Variants in PCDHGA3 observed in about 807,000 individuals in gnomAD.
PCDHGA3 encodes protocadherin gamma subfamily A, 3, also known as protocadherin gamma-A3.
A neutral mutation model predicts 58.5 loss-of-function variants in PCDHGA3; 40 were observed. The ratio of observed to expected loss-of-function variants is 0.68; its 90% CI spans 0.53 to 0.89. PCDHGA3 has a LOEUF of 0.89. PCDHGA3 is among the 40% of genes least tolerant of loss of function. The pLI, the probability that PCDHGA3 is intolerant of heterozygous loss-of-function variation, is 0.00. For synonymous variants in PCDHGA3, 530 were observed against 525.7 expected, an observed-to-expected ratio of 1.01 and a Z score of -0.11; for missense variants, 1,223 against 1,195.9, an observed-to-expected ratio of 1.02 and a Z score of -0.33.
intron 1 of PCDHGA3, chr5:141,389,722 G>T (rs141134077): frequency 1.9e-6 from 3 of 1,612,560 alleles, no homozygotes; most frequent in Non-Finnish European, 1.7e-6. Context: ...AGCGAGCCCG[G>T]GCTCTTCAGC....
In PCDHGA3 at chr5:141,404,612, G is replaced by A. The variant is rs774633321; in HGVS notation, c.2424+58155G>A. 2 of 1,614,110 alleles carry A rather than the reference G, an allele frequency of 1.2e-6. No homozygotes were observed. The highest frequency in any genetic ancestry group is 3.3e-5 in the Admixed American group (2 of 60,022). ...TGTGTCATTGAGACTGTTTGTTTTG[G>A]ACCAGAATGACAATGCCCCAGAAAT... On this transcript the variant is annotated intron_variant, in intron 1 of 3. Transcript: ENST00000253812.
chr5:141,346,360 C>A lies in PCDHGA3; in HGVS notation c.2327C>A (p.Ala776Glu), dbSNP rs370532251. The A allele has an allele frequency of 5.4e-5, 87 of 1,614,110 alleles. No individual in the cohort carries two copies. The highest frequency in any genetic ancestry group is 6.7e-5 in the Non-Finnish European group (79 of 1,180,044). Residue 776 changes from alanine (A) to glutamate (E), a missense_variant, in exon 1 of 4, where the codon GCG becomes GAG. Physicochemically the swap from Ala to Glu is moderately radical, Grantham distance 107. Transcript: ENST00000253812. ...CTGATTTTCCCCCAGCCCAACTATG[C>A]GGACACGCTCATCAGCCAGGAGAGC... ...SHLIFPQPNYADTLISQESCE... is the reference protein window; with the variant it reads ...SHLIFPQPNYEDTLISQESCE...
In PCDHGA3 at chr5:141,394,525, G is replaced by T; in HGVS notation, c.2424+48068G>T. ...CTGTACCCCGCCCTCCCCACAGACG[G>T]TTCCACTGGCGTGGAGCTGGCGCCC... On this transcript the variant is annotated intron_variant, in intron 1 of 3. Coordinates refer to ENST00000253812, the MANE Select transcript of PCDHGA3 (RefSeq NM_018916.4). 3 of 1,614,228 alleles carry T rather than the reference G, an allele frequency of 1.9e-6. No homozygotes were observed. The East Asian group carries it at 6.7e-5, about 36-fold the overall frequency.
Position 141,476,715 on chromosome 5 carries a change from G to C in PCDHGA3, c.2425-18092G>C. 6.2e-7 allele frequency: 1 copy of C among 1,614,168 alleles called. No individual in the cohort carries two copies. The highest frequency in any genetic ancestry group is 8.5e-7 in the Non-Finnish European group (1 of 1,180,030). On this transcript the variant is annotated intron_variant, in intron 1 of 3. Transcript: ENST00000253812. The surrounding 1 kb of genome is among the most constrained non-coding windows in gnomAD (Gnocchi z 7.6). ...AAGTACGCGGAGCTGGTGTTGGAGC[G>C]CGCCCTGGACCGAGAACGGGAGCCT...
chr5:141,450,887 C>A (rs531604055), intron 1 of PCDHGA3, among the ~76,000 whole-genome samples: 1 of 148,582 alleles, frequency 6.7e-6, no homozygotes, highest in East Asian at 2.0e-4. Flanking sequence ...TGCAGTGGTG[C>A]GATATCGGCT....
chr5:141,383,838 C>T, intron 1 of PCDHGA3: 1 of 1,613,892 alleles, frequency 6.2e-7, no homozygotes, highest in East Asian at 2.2e-5. Flanking sequence ...AAGAAACTGC[C>T]TTCTATGAAA....
At chr5:141,384,558 G>C (rs1305876368) in intron 1 of PCDHGA3, 2 of 1,614,132 alleles carry the variant, frequency 1.2e-6, no homozygotes, top group African/African-American at 1.3e-5. Context: ...TGTTCGTGCT[G>C]GACCAGAATG....
chr5:141,400,245 C>G (rs778709619), intron 1 of PCDHGA3: 32 of 1,613,998 alleles, frequency 2.0e-5, no homozygotes, highest in Non-Finnish European at 2.5e-5. Flanking sequence ...TGATTCTGGC[C>G]GTTGCCTTGC....
At chr5:141,379,275 A>C (rs1248743398) in intron 1 of PCDHGA3, 3 of 152,194 alleles carry the variant, frequency 2.0e-5, no homozygotes, top group African/African-American at 7.2e-5. Flanking sequence ...TTATAGATTT[A>C]TTTATTTCAA....
At chr5:141,385,376 C>T in intron 1 of PCDHGA3, 1 of 1,523,128 alleles carries the variant, frequency 6.6e-7, no homozygotes. Context: ...CATGATATTT[C>T]TCTATTATTT....
At chr5:141,415,026 G>A in intron 1 of PCDHGA3, 1 of 1,613,590 alleles carries the variant, frequency 6.2e-7, no homozygotes, top group Non-Finnish European at 8.5e-7. Flanking sequence ...AGGCCAGCGA[G>A]CCGGGACTCT....
chr5:141,366,557 G>T lies in PCDHGA3; in HGVS notation c.2424+20100G>T, dbSNP rs376762797. On this transcript the variant is annotated intron_variant, in intron 1 of 3. Transcript: ENST00000253812. Reference sequence around the variant, plus strand: ...TGTGCCCGCCTCGCACTTTGTGGGCGTGGATGGGGTTCGGGCTTTCCTGCA... The same window carrying T: ...TGTGCCCGCCTCGCACTTTGTGGGCTTGGATGGGGTTCGGGCTTTCCTGCA... The T allele has an allele frequency of 3.5e-5, 56 of 1,614,268 alleles. No homozygotes were observed. In the African/African-American group the frequency reaches 4.3e-4, roughly 12 times the overall value.
rs11343387 is a variant in PCDHGA3 at position 141,497,209 on chromosome 5, TGG to T, written c.2483+2352_2483+2353del. On this transcript the variant is annotated intron_variant, in intron 2 of 3. Transcript: ENST00000253812. ...GAGGCAGAGAACAATGTGAGTGTAATGGGGGGGGGAAGATCAGAGAAGGCTTC... is the reference window on the plus strand; with the variant it reads ...GAGGCAGAGAACAATGTGAGTGTAATGGGGGGGAAGATCAGAGAAGGCTTC... Among the ~76,000 whole-genome samples the T allele has an allele frequency of 3.8e-3, 569 of 151,352 alleles. 5 individuals are homozygous for T. Among genetic ancestry groups the T allele is most frequent in the Admixed American group, 0.011 (162 of 15,190 alleles).
intron 1 of PCDHGA3, among the ~76,000 whole-genome samples, chr5:141,358,148 A>G (rs1760835036): frequency 6.6e-6 from 1 of 152,192 alleles, no homozygotes; most frequent in African/African-American, 2.4e-5. Flanking sequence ...TGAGATCATG[A>G]CACTGTACTC....
chr5:141,434,254 T>C (rs1440934691), intron 1 of PCDHGA3, among the ~76,000 whole-genome samples: 3 of 152,176 alleles, frequency 2.0e-5, no homozygotes, highest in Admixed American at 6.5e-5. Context: ...TTGGGCATTG[T>C]GGGGGAGGTG....
chr5:141,465,781 T>G (rs2099109506), intron 1 of PCDHGA3, among the ~76,000 whole-genome samples: 1 of 150,278 alleles, frequency 6.7e-6, no homozygotes, highest in Non-Finnish European at 1.5e-5. Context: ...TTGTTACAGT[T>G]TTTTTTTTTT....
intron 1 of PCDHGA3, among the ~76,000 whole-genome samples, chr5:141,479,914 G>T (rs2099509746): frequency 6.6e-6 from 1 of 152,148 alleles, no homozygotes; most frequent in South Asian, 2.1e-4. Context: ...CTGTTATTTT[G>T]TTACTCAGTG....
chr5:141,477,835 T>G lies in PCDHGA3; in HGVS notation c.2425-16972T>G. ...CCCAGGTCCTATATCCTCGGCCAGG[T>G]GGGAGCTCGGTGGAGATGCTGCCTC... On this transcript the variant is annotated intron_variant, in intron 1 of 3. Coordinates refer to ENST00000253812, the MANE Select transcript of PCDHGA3 (RefSeq NM_018916.4). This position sits in a 1 kb window ranked among gnomAD's most constrained non-coding sequence, Gnocchi z 4.9. The G allele has an allele frequency of 6.2e-7, 1 of 1,614,090 alleles. No individual in the cohort carries two copies. Among genetic ancestry groups the G allele is most frequent in the South Asian group, 1.1e-5 (1 of 91,072 alleles).
At chr5:141,375,066 G>C (rs1463444937) in intron 1 of PCDHGA3, 2 of 1,613,990 alleles carry the variant, frequency 1.2e-6, no homozygotes, top group East Asian at 2.2e-5. Flanking sequence ...CCAGGTCTTC[G>C]AGACAGAGCG....
Sources: allele counts gnomAD v4.1 joint callset (sites outside exome capture counted in the v4.1 genomes callset), GRCh38; gene constraint gnomAD v4.1.1; non-coding constraint Gnocchi (gnomAD v3.1); transcripts MANE v1.5; gene names NCBI Gene and HGNC (gene_info 2026-07-23, HGNC 2026-07-21).